The following DTD2 variants were observed in gnomAD, a reference collection of about 807,000 sequenced individuals.
DTD2 encodes the protein D-aminoacyl-tRNA deacylase 2, also known as D-tyrosyl-tRNA deacylase 2 (putative).
Under a neutral mutation model 15.5 loss-of-function variants are expected in DTD2, and 12 were observed. The observed-to-expected ratio is 0.77, with a 90% CI of 0.50 to 1.25. The LOEUF (loss-of-function observed/expected upper bound fraction) is 1.25, where lower values mean the gene tolerates loss of function less well. Among genes scored for constraint, DTD2 ranks in the 50% most tolerant of loss-of-function variants. The pLI is 0.00. For missense variants in DTD2, 170 were observed against 201.1 expected (o/e 0.85, Z 0.93); for synonymous variants, 59 against 77.3 (o/e 0.76, Z 1.24).
chr14:31,455,592 T>C (rs1766735825), intron 1 of DTD2, among the ~76,000 whole-genome samples: 1 of 151,436 alleles, frequency 6.6e-6, no homozygotes, highest in Non-Finnish European at 1.5e-5. Context: ...TATTTATTAT[T>C]TATTTTTGAG....
At chr14:31,449,731 C>T (rs2032007719) in intron 2 of DTD2, among the ~76,000 whole-genome samples, 1 of 152,144 alleles carries the variant, frequency 6.6e-6, no homozygotes, top group African/African-American at 2.4e-5. Flanking sequence ...CCTGAGAGGG[C>T]AAATGGTAGA....
rs138035440 is a variant in DTD2 at position 31,448,232 on chromosome 14, T to G, written c.404A>C (p.Lys135Thr). 6.2e-7 allele frequency: 1 copy of G among 1,614,198 alleles called. No individual in the cohort carries two copies. The highest frequency in any genetic ancestry group is 1.3e-5 in the African/African-American group (1 of 75,060). Residue 135 changes from lysine (K) to threonine (T), a missense_variant, in exon 3 of 3, where the codon AAG (lysine) becomes ACG (threonine). Physicochemically the swap from Lys to Thr is moderately conservative, Grantham distance 78. Coordinates refer to ENST00000310850, the MANE Select transcript of DTD2 (RefSeq NM_080664.3). Reference protein sequence around the residue: ...LCEKEVAANSKCAEARVVVEH... With the variant: ...LCEKEVAANSTCAEARVVVEH... ...CACTACAACCCTAGCTTCAGCACACTTGCTATTAGCAGCTACTTCTTTTTC... is the reference window on the plus strand; with the variant it reads ...CACTACAACCCTAGCTTCAGCACACGTGCTATTAGCAGCTACTTCTTTTTC...
chr14:31,456,404 T>A lies in DTD2; in HGVS notation c.111+879A>T, dbSNP rs549536771. 1.1e-4 allele frequency among the ~76,000 whole-genome samples: 16 copies of A among 151,400 alleles called. No homozygotes were observed. In the East Asian group the frequency reaches 2.5e-3, roughly 24 times the overall value. ...TCATCTCAAAAAATAAAATAAAATA[T>A]AAATAAATAAAATATAAAAAATAAA... On this transcript the variant is annotated intron_variant, in intron 1 of 2. Coordinates refer to ENST00000310850, the MANE Select transcript of DTD2 (RefSeq NM_080664.3).
At chr14:31,455,554 A>AG (rs1242544337) in intron 1 of DTD2, among the ~76,000 whole-genome samples, 1 of 149,868 alleles carries the variant, frequency 6.7e-6, no homozygotes, top group Non-Finnish European at 1.5e-5. Flanking sequence ...CTGTCTCAAA[A>AG]AAAAAAAAAA....
chr14:31,449,682 C>T (rs1006949382), intron 2 of DTD2, among the ~76,000 whole-genome samples: 2 of 152,162 alleles, frequency 1.3e-5, no homozygotes, highest in African/African-American at 2.4e-5. Context: ...CTCCCTACCT[C>T]TATAAAGGTA....
chr14:31,451,627 A>G (rs1408196297), intron 2 of DTD2, among the ~76,000 whole-genome samples: 1 of 152,182 alleles, frequency 6.6e-6, no homozygotes, highest in African/African-American at 2.4e-5. Flanking sequence ...AAGTTGTCAG[A>G]CATGTTTGAT....
chr14:31,448,386 G>A lies in DTD2; in HGVS notation c.250C>T (p.Pro84Ser). 1 of 1,614,152 alleles carries A rather than the reference G, an allele frequency of 6.2e-7. No homozygotes were observed. Among genetic ancestry groups the A allele is most frequent in the Non-Finnish European group, 8.5e-7 (1 of 1,180,024 alleles). Residue 84 changes from proline (P) to serine (S), a missense_variant, in exon 3 of 3, where the codon CCT becomes TCT. Transcript: ENST00000310850. ...NGKHVSILDL[P>S]GNILIIPQAT... Reference sequence around the variant, plus strand: ...TGAGGGATAATAAGAATGTTGCCAGGTAGATCCAATATAGAGACATGCTTG... The same window carrying A: ...TGAGGGATAATAAGAATGTTGCCAGATAGATCCAATATAGAGACATGCTTG...
chr14:31,451,207 G>A (rs1296784240), intron 2 of DTD2, among the ~76,000 whole-genome samples: 1 of 150,304 alleles, frequency 6.7e-6, no homozygotes, highest in Admixed American at 6.6e-5. Flanking sequence ...GAGTGCAGTG[G>A]CGTGATCTCG....
chr14:31,450,842 A>C (rs1470324217), intron 2 of DTD2, among the ~76,000 whole-genome samples: 2 of 152,206 alleles, frequency 1.3e-5, no homozygotes, highest in African/African-American at 4.8e-5. Flanking sequence ...ACAAAGACAG[A>C]TATGGAAGCA....
At chr14:31,451,213 T>C (rs2032029236) in intron 2 of DTD2, among the ~76,000 whole-genome samples, 1 of 150,824 alleles carries the variant, frequency 6.6e-6, no homozygotes, top group Non-Finnish European at 1.5e-5. Context: ...AGTGGCGTGA[T>C]CTCGGCTCAC....
chr14:31,448,191 C>T lies in DTD2; in HGVS notation c.445G>A (p.Gly149Arg), dbSNP rs780999507. Residue 149 changes from glycine (G) to arginine (R), a missense_variant, in exon 3 of 3, where the codon GGG becomes AGG. Coordinates refer to ENST00000310850, the MANE Select transcript of DTD2 (RefSeq NM_080664.3). The stretch of plus-strand genomic sequence containing the variant: ...TCCAGCTTTAACACCTGCCTGTTCC[C>T]ATAAGTGCCATGTTCCACTACAACC... The part of the protein sequence containing the change: ...ARVVVEHGTY[G>R]NRQVLKLDTN... 3.7e-6 allele frequency: 6 copies of T among 1,614,008 alleles called. No individual in the cohort carries two copies. In the Admixed American group the frequency reaches 8.3e-5, roughly 22 times the overall value.
chr14:31,455,253 A>G (rs1401628189), intron 1 of DTD2, among the ~76,000 whole-genome samples: 1 of 152,166 alleles, frequency 6.6e-6, no homozygotes, highest in African/African-American at 2.4e-5. Context: ...GGATGCAACT[A>G]TAAAAATGGA....
At chr14:31,449,416 A>G (rs1342826567) in intron 2 of DTD2, among the ~76,000 whole-genome samples, 1 of 152,232 alleles carries the variant, frequency 6.6e-6, no homozygotes, top group Non-Finnish European at 1.5e-5. Flanking sequence ...AAGAATCATC[A>G]GAAATTCATT....
In DTD2 at chr14:31,447,132, A is replaced by G. The variant is rs969587334; in HGVS notation, c.*997T>C. The G allele has an allele frequency of 6.6e-6, 1 of 152,126 alleles. No homozygotes were observed. Among genetic ancestry groups the G allele is most frequent in the Non-Finnish European group, 1.5e-5 (1 of 68,024 alleles). The allele number at this position is 152,126 out of a possible 1,614,324, so 9.4% of individuals were successfully genotyped here. On this transcript the variant is annotated 3_prime_UTR_variant, in exon 3 of 3. Coordinates refer to ENST00000310850, the MANE Select transcript of DTD2 (RefSeq NM_080664.3). Reference sequence around the variant, plus strand: ...ATATAACACACAATAACCCTTCTATATTACATATATATCTATATGTATATG... The same window carrying G: ...ATATAACACACAATAACCCTTCTATGTTACATATATATCTATATGTATATG...
At position 31,457,417 on chromosome 14, in the gene DTD2, G is replaced by C; in HGVS notation, c.-24C>G. On this transcript the variant is annotated 5_prime_UTR_variant, in exon 1 of 3. Coordinates refer to ENST00000310850, the MANE Select transcript of DTD2 (RefSeq NM_080664.3). ...ATGGCTTAAGCCAGCGCCGCGGCCG[G>C]ACAGTTACTAGGCCATGTGTCGCTG... The C allele has an allele frequency of 6.9e-7, 1 of 1,456,596 alleles. No homozygotes were observed. The highest frequency in any genetic ancestry group is 9.1e-7 in the Non-Finnish European group (1 of 1,095,748). 90.2% of individuals were successfully genotyped at this position (1,456,596 alleles called of 1,614,324 possible). A position where few individuals can be genotyped will look rare whatever the true frequency, so the allele number is the denominator to read the frequency against.
intron 2 of DTD2, among the ~76,000 whole-genome samples, chr14:31,448,779 C>A (rs1310455231): frequency 6.6e-6 from 1 of 152,200 alleles, no homozygotes; most frequent in Non-Finnish European, 1.5e-5. Context: ...TGGGGGAATA[C>A]ATGAGAAGAT....
At chr14:31,450,672 C>T (rs948025422) in intron 2 of DTD2, among the ~76,000 whole-genome samples, 3 of 152,036 alleles carry the variant, frequency 2.0e-5, no homozygotes, top group Non-Finnish European at 2.9e-5. Flanking sequence ...ACAACTCAAA[C>T]GAGTAGAATA....
chr14:31,457,212 G>A, intron 1 of DTD2, 71 bp downstream of exon 1: 1 of 1,375,138 alleles, frequency 7.3e-7, no homozygotes, highest in Non-Finnish European at 1.0e-6. Flanking sequence ...GAGCGGACGA[G>A]TCACCGAGAC....
At chr14:31,457,230 A>C in intron 1 of DTD2, 53 bp downstream of exon 1, 2 of 1,506,784 alleles carry the variant, frequency 1.3e-6, no homozygotes, top group Non-Finnish European at 1.8e-6. Context: ...GACAACGCGG[A>C]AAAAACCGCC....
Sources: gnomAD v4.1 joint callset for allele counts (sites outside exome capture counted in the v4.1 genomes callset) on GRCh38, gnomAD v4.1.1 for gene constraint, MANE v1.5 for transcripts, NCBI Gene and HGNC (gene_info 2026-07-23, HGNC 2026-07-21) for gene names.